ZNFX1: variants seen among roughly 807,000 people sequenced by gnomAD.
ZNFX1 encodes the protein zinc finger NFX1-type containing 1, also known as NFX1-type zinc finger-containing protein 1.
In ZNFX1, 78 loss-of-function variants were observed where a neutral mutation model predicts 179.8. The ratio of observed to expected loss-of-function variants is 0.43; its 90% CI spans 0.36 to 0.52. The LOEUF is 0.52. Among genes scored for constraint, ZNFX1 ranks in the 20% least tolerant of loss-of-function variants. ZNFX1 has a pLI of 0.00. For missense variants in ZNFX1, 1,927 were observed against 2,386.6 expected (o/e 0.81, Z 4.01); for synonymous variants, 848 against 868.5 (o/e 0.98, Z 0.42).
At chr20:49,263,845 C>T (rs185291165) in intron 5 of ZNFX1, among the ~76,000 whole-genome samples, 282 of 152,118 alleles carry the variant, frequency 1.9e-3, no homozygotes, top group Middle Eastern at 6.8e-3. Context: ...ATCCAAAATG[C>T]TTGGGACTAG....
intron 2 of ZNFX1, among the ~76,000 whole-genome samples, chr20:49,275,056 G>GA (rs1324289576): frequency 1.3e-5 from 2 of 151,748 alleles, no homozygotes; most frequent in African/African-American, 4.8e-5. Flanking sequence ...CCGGGAGGCG[G>GA]AGCTTGCAGT....
At chr20:49,254,796 A>T in intron 9 of ZNFX1, 147 bp from the exon 10 acceptor site, 2 of 843,400 alleles carry the variant, frequency 2.4e-6, no homozygotes, top group South Asian at 2.0e-5. Context: ...GGACCTAAGA[A>T]TCCAAAATGC....
intron 12 of ZNFX1, among the ~76,000 whole-genome samples, chr20:49,252,275 G>C (rs2053655059): frequency 6.6e-6 from 1 of 151,782 alleles, no homozygotes; most frequent in South Asian, 2.1e-4. Context: ...CTGAGTAGCT[G>C]GGATTACAGG....
chr20:49,275,050 G>C (rs1229199383), intron 2 of ZNFX1, among the ~76,000 whole-genome samples: 1 of 151,668 alleles, frequency 6.6e-6, no homozygotes, highest in Non-Finnish European at 1.5e-5. Context: ...GTGAACCCGG[G>C]AGGCGGAGCT....
At position 49,248,643 on chromosome 20, in the gene ZNFX1, A is replaced by G; in HGVS notation, c.4381T>C (p.Cys1461Arg). Residue 1461 changes from cysteine (C) to arginine (R), a missense_variant, in exon 14 of 14, where the codon TGT (cysteine) becomes CGT (arginine). Physicochemically the swap from Cys to Arg is radical, Grantham distance 180. Coordinates refer to ENST00000396105, the MANE Select transcript of ZNFX1 (RefSeq NM_021035.3). This position sits in a 1 kb window ranked among gnomAD's most constrained non-coding sequence, Gnocchi z 4.6. ...SCFEGRFHER[C>R]QQPCKRLLIC... ...AGCAGGCGCTTGCAGGGCTGCTGAC[A>G]GCGTTCATGGAAACGCCCTTCGAAG... The G allele has an allele frequency of 6.2e-7, 1 of 1,613,900 alleles. No individual in the cohort carries two copies. The highest frequency in any genetic ancestry group is 8.5e-7 in the Non-Finnish European group (1 of 1,180,044).
At chr20:49,272,193 T>C (rs1981425855) in intron 2 of ZNFX1, among the ~76,000 whole-genome samples, 1 of 151,790 alleles carries the variant, frequency 6.6e-6, no homozygotes, top group Admixed American at 6.6e-5. Flanking sequence ...TTTTTTTTTT[T>C]TTGAGATGGA....
In ZNFX1 at chr20:49,249,380, T is replaced by C. The variant is rs1980776808; in HGVS notation, c.3644A>G (p.Asn1215Ser). 6 of 1,614,082 alleles carry C rather than the reference T, an allele frequency of 3.7e-6. No homozygotes were observed. In the African/African-American group the frequency reaches 4.0e-5, roughly 11 times the overall value. ...EGKVGFLQISNRICVALSRAK... is the reference protein window; with the variant it reads ...EGKVGFLQISSRICVALSRAK... The stretch of plus-strand genomic sequence containing the variant: ...TCGGGACAAGGCCACACAGATGCGG[T>C]TGGATATCTGCAGAAAACCCACCTT... The change falls in exon 14 of 14, where the codon AAC (asparagine) becomes AGC (serine). Residue 1215 changes from asparagine (N) to serine (S), a missense_variant. By Grantham distance (46) the Asn-to-Ser change is conservative. Coordinates refer to ENST00000396105, the MANE Select transcript of ZNFX1 (RefSeq NM_021035.3).
intron 13 of ZNFX1, 126 bp from the exon 14 acceptor site, chr20:49,249,837 C>G: frequency 1.1e-6 from 1 of 917,456 alleles, no homozygotes; most frequent in Non-Finnish European, 1.6e-6. Flanking sequence ...TTTTTGTCCA[C>G]TCAACATCAC....
chr20:49,247,553 C>A lies in ZNFX1; in HGVS notation c.5471G>T (p.Gly1824Val). 3 of 1,614,226 alleles carry A rather than the reference C, an allele frequency of 1.9e-6. No homozygotes were observed. Among genetic ancestry groups the A allele is most frequent in the Non-Finnish European group, 2.5e-6 (3 of 1,180,034 alleles). Residue 1824 changes from glycine (G) to valine (V), a missense_variant, in exon 14 of 14, where the codon GGC becomes GTC. Transcript: ENST00000396105. ...TCGCTCTTCCTCTGAGATGCCCAGG[C>A]CAGAGCAGGGAAGGGTGGCTTTCAG... ...EALKATLPCS[G>V]LGISEEERVQ... is the part of the protein sequence containing the mutation.
At chr20:49,254,937 G>A (rs1476314627) in intron 9 of ZNFX1, among the ~76,000 whole-genome samples, 2 of 151,930 alleles carry the variant, frequency 1.3e-5, no homozygotes, top group African/African-American at 4.8e-5. Context: ...CAGCATCCCT[G>A]CCTAATTTCC....
intron 10 of ZNFX1, among the ~76,000 whole-genome samples, chr20:49,254,228 T>C (rs1315228295): frequency 6.6e-6 from 1 of 152,136 alleles, no homozygotes; most frequent in Non-Finnish European, 1.5e-5. Flanking sequence ...GATTTCACCA[T>C]GTTGGCCAGG....
chr20:49,257,702 C>CTT (rs11295162), intron 7 of ZNFX1, 38 bp from the exon 8 acceptor site: 19,126 of 1,370,908 alleles, frequency 0.014, 56 homozygotes, highest in East Asian at 0.055. Context: ...GATGAAAACT[C>CTT]TTTTTTTTTT....
chr20:49,274,624 T>C (rs1384281394), intron 2 of ZNFX1, among the ~76,000 whole-genome samples: 1 of 152,104 alleles, frequency 6.6e-6, no homozygotes, highest in Non-Finnish European at 1.5e-5. Flanking sequence ...CTGGGCATGG[T>C]GGCAGGCACC....
At chr20:49,253,620 C>T in intron 11 of ZNFX1, 46 bp downstream of exon 11, 1 of 1,610,898 alleles carries the variant, frequency 6.2e-7, no homozygotes, top group Non-Finnish European at 8.5e-7. Context: ...TATGATCTCA[C>T]CCCCACGGAG....
chr20:49,271,812 C>A, intron 2 of ZNFX1, 62 bp from the exon 3 acceptor site: 1 of 1,506,990 alleles, frequency 6.6e-7, no homozygotes, highest in African/African-American at 1.4e-5. Flanking sequence ...CCCAACAGAA[C>A]GACAATGAAC....
intron 8 of ZNFX1, among the ~76,000 whole-genome samples, chr20:49,256,418 G>C (rs1315109399): frequency 1.3e-5 from 2 of 152,176 alleles, no homozygotes; most frequent in African/African-American, 4.8e-5. Flanking sequence ...TGTACAACCA[G>C]TGCCTAGCAA....
chr20:49,275,957 C>G, intron 1 of ZNFX1, 70 bp from the exon 2 acceptor site: 1 of 924,114 alleles, frequency 1.1e-6, no homozygotes, highest in Non-Finnish European at 1.7e-6. Context: ...CACCATCAAG[C>G]CAGTCCTTCT....
chr20:49,253,175 A>G (rs1264323399), intron 11 of ZNFX1, among the ~76,000 whole-genome samples: 1 of 152,196 alleles, frequency 6.6e-6, no homozygotes, highest in Non-Finnish European at 1.5e-5. Context: ...CCAAGAGCAA[A>G]TGGGATGAAG....
At chr20:49,272,747 C>G (rs2146743596) in intron 2 of ZNFX1, among the ~76,000 whole-genome samples, 2 of 152,234 alleles carry the variant, frequency 1.3e-5, no homozygotes, top group Admixed American at 1.3e-4. Context: ...GGTGGGGTTT[C>G]CTTACCAAGA....
Sources: allele counts gnomAD v4.1 joint callset (sites outside exome capture counted in the v4.1 genomes callset), GRCh38; gene constraint gnomAD v4.1.1; non-coding constraint Gnocchi (gnomAD v3.1); transcripts MANE v1.5; gene names NCBI Gene and HGNC (gene_info 2026-07-23, HGNC 2026-07-21).